The following RBFOX1 variants were observed in gnomAD, a reference collection of about 807,000 sequenced individuals.
RBFOX1 encodes RNA binding fox-1 homolog 1, also known as RNA binding protein fox-1 homolog 1.
A neutral mutation model predicts 57.7 loss-of-function variants in RBFOX1; 8 were observed. That is an observed-to-expected ratio of 0.14 (90% CI 0.08 to 0.25). RBFOX1 has a LOEUF of 0.25. Ranked by LOEUF, RBFOX1 falls within the 10% of genes least tolerant of loss-of-function variation. The probability of loss-of-function intolerance (pLI) is 1.00; values close to 1 mark genes in which losing one functional copy is unlikely to be tolerated. For missense variants in RBFOX1, 611 were observed against 548.5 expected, an observed-to-expected ratio of 1.11 and a Z score of -1.14; for synonymous variants, 326 against 222.4, an observed-to-expected ratio of 1.47 and a Z score of -4.15.
intron 4 of RBFOX1, among the ~76,000 whole-genome samples, chr16:7,245,351 A>G (rs1343250286): frequency 1.3e-5 from 2 of 152,110 alleles, no homozygotes; most frequent in Non-Finnish European, 1.5e-5. Flanking sequence ...TCCAAGATAC[A>G]TGTACAGGAT....
intron 1 of RBFOX1, among the ~76,000 whole-genome samples, chr16:6,081,912 A>G (rs1162417419): frequency 6.6e-6 from 1 of 152,124 alleles, no homozygotes; most frequent in South Asian, 2.1e-4. Flanking sequence ...CCTAGTCCCA[A>G]TTTATTCCAG....
chr16:6,724,835 T>C (rs2066809246), intron 3 of RBFOX1, among the ~76,000 whole-genome samples: 1 of 152,060 alleles, frequency 6.6e-6, no homozygotes, highest in African/African-American at 2.4e-5. Context: ...TATCAACCCA[T>C]CACCTAGGTG....
intron 3 of RBFOX1, among the ~76,000 whole-genome samples, chr16:6,944,223 T>G (rs1466284311): frequency 1.3e-5 from 2 of 151,700 alleles, no homozygotes; most frequent in Non-Finnish European, 2.9e-5. Flanking sequence ...AGTGAAACCC[T>G]TTCTCTACTA....
chr16:7,514,624 A>G (rs1567610974), intron 4 of RBFOX1, among the ~76,000 whole-genome samples: 1 of 152,066 alleles, frequency 6.6e-6, no homozygotes, highest in Non-Finnish European at 1.5e-5. Context: ...CTTGATGCGG[A>G]CTGAAGGAAG....
chr16:5,936,034 A>AC (rs531726051), intron 4 of RBFOX1, among the ~76,000 whole-genome samples: 8 of 149,596 alleles, frequency 5.3e-5, no homozygotes, highest in Non-Finnish European at 1.0e-4. Context: ...ATCTGAACCC[A>AC]TTTTTTTTTT....
chr16:5,244,203 A>T (rs761830774), intron 1 of RBFOX1, among the ~76,000 whole-genome samples: 1 of 152,198 alleles, frequency 6.6e-6, no homozygotes, highest in Non-Finnish European at 1.5e-5. Flanking sequence ...GGCTGGGCAT[A>T]GCATTGTAAC....
intron 4 of RBFOX1, among the ~76,000 whole-genome samples, chr16:7,484,706 C>G (rs570205192): frequency 6.6e-6 from 1 of 152,156 alleles, no homozygotes; most frequent in Admixed American, 6.5e-5. Flanking sequence ...TCAGGTGATC[C>G]GCTCGCTTCA....
intron 3 of RBFOX1, among the ~76,000 whole-genome samples, chr16:6,853,786 G>C (rs1161021208): frequency 1.3e-5 from 2 of 152,078 alleles, no homozygotes; most frequent in Non-Finnish European, 2.9e-5. Context: ...GACCTCACTT[G>C]AAGAAACCAC....
chr16:6,725,532 A>G (rs537435744), intron 3 of RBFOX1, among the ~76,000 whole-genome samples: 124 of 152,208 alleles, frequency 8.1e-4, no homozygotes, highest in African/African-American at 2.8e-3. Flanking sequence ...CCTTTCCTGG[A>G]AAACTCACAA....
chr16:5,356,790 G>A (rs1409057615), intron 1 of RBFOX1, among the ~76,000 whole-genome samples: 2 of 152,148 alleles, frequency 1.3e-5, no homozygotes, highest in Admixed American at 6.5e-5. Flanking sequence ...TTATTTGACT[G>A]CTTTGATGTC....
chr16:6,401,354 GA>G (rs2093060617), intron 2 of RBFOX1, among the ~76,000 whole-genome samples: 2 of 152,244 alleles, frequency 1.3e-5, no homozygotes, highest in South Asian at 4.1e-4. Flanking sequence ...ATTAGAAAAT[GA>G]AAAATTCTTC....
Position 7,423,117 on chromosome 16 carries a change from G to GAGAGAT in RBFOX1, c.28-95025_28-95024insTAGAGA, listed in dbSNP as rs1297606603. 4.6e-5 allele frequency: 7 copies of GAGAGAT among 151,618 alleles called. No homozygotes were observed. In the East Asian group the frequency reaches 1.4e-3, roughly 30 times the overall value. The allele number at this position is 151,618 out of a possible 1,614,324, so 9.4% of individuals were successfully genotyped here. On this transcript the variant is annotated intron_variant, in intron 4 of 15. Transcript: ENST00000550418. Reference sequence around the variant, plus strand: ...AAAGAGAGAGAGAGAGAGAGAGAGAGAGAGAGAGAGAGAATATGAATATGG... The same window carrying GAGAGAT: ...AAAGAGAGAGAGAGAGAGAGAGAGAGAGAGATAGAGAGAGAGAGAATATGAATATGG...
intron 3 of RBFOX1, among the ~76,000 whole-genome samples, chr16:5,822,032 C>G (rs1383435282): frequency 6.6e-6 from 1 of 152,172 alleles, no homozygotes; most frequent in South Asian, 2.1e-4. Context: ...AAGATCTATC[C>G]TTTTAGCAAA....
intron 1 of RBFOX1, among the ~76,000 whole-genome samples, chr16:5,402,930 G>T (rs2066754614): frequency 6.6e-6 from 1 of 152,134 alleles, no homozygotes; most frequent in African/African-American, 2.4e-5. Context: ...TAAAATATCA[G>T]TGCAGCATTT....
chr16:6,606,587 G>C (rs141369812), intron 2 of RBFOX1, among the ~76,000 whole-genome samples: 170 of 152,106 alleles, frequency 1.1e-3, no homozygotes, highest in African/African-American at 3.9e-3. Flanking sequence ...TCATTGTTCA[G>C]CTCCCACCTG....
At chr16:7,126,082 C>T (rs1477681672) in intron 4 of RBFOX1, among the ~76,000 whole-genome samples, 1 of 152,120 alleles carries the variant, frequency 6.6e-6, no homozygotes, top group Non-Finnish European at 1.5e-5. Flanking sequence ...GACTCCATCT[C>T]CCCCCACCAA....
chr16:7,296,277 G>A (rs1227813282), intron 4 of RBFOX1, among the ~76,000 whole-genome samples: 1 of 57,324 alleles, frequency 1.7e-5, no homozygotes, highest in East Asian at 4.7e-4. Context: ...TTTTTTTTTT[G>A]CATTTTCGTG....
At chr16:5,909,381 T>G (rs1443040493) in intron 4 of RBFOX1, among the ~76,000 whole-genome samples, 1 of 152,168 alleles carries the variant, frequency 6.6e-6, no homozygotes, top group African/African-American at 2.4e-5. Context: ...CGTGAGCCAC[T>G]GTGCCCGGCC....
intron 4 of RBFOX1, among the ~76,000 whole-genome samples, chr16:7,485,346 A>G (rs1028276719): frequency 6.6e-6 from 1 of 152,186 alleles, no homozygotes; most frequent in African/African-American, 2.4e-5. Context: ...TTGCTTATAC[A>G]TTTCTGGAAG....
Sources: allele counts gnomAD v4.1 joint callset (sites outside exome capture counted in the v4.1 genomes callset), GRCh38; gene constraint gnomAD v4.1.1; transcripts MANE v1.5; gene names NCBI Gene and HGNC (gene_info 2026-07-23, HGNC 2026-07-21).